TMCC1: variants seen among roughly 807,000 people sequenced by gnomAD.
TMCC1 encodes the protein transmembrane and coiled-coil domains protein 1.
A neutral mutation model predicts 52.4 loss-of-function variants in TMCC1; 15 were observed. That is an observed-to-expected ratio of 0.29 (90% confidence interval 0.19 to 0.44). The LOEUF is 0.44. Among genes scored for constraint, TMCC1 ranks in the 20% least tolerant of loss-of-function variants. The pLI is 1.00. For synonymous variants in TMCC1, 279 were observed against 301.9 expected, an observed-to-expected ratio of 0.92 and a Z score of 0.79; for missense variants, 503 against 806.0, an observed-to-expected ratio of 0.62 and a Z score of 4.55.
At chr3:129,829,024 A>T (rs1238427019) in intron 3 of TMCC1, among the ~76,000 whole-genome samples, 2 of 152,224 alleles carry the variant, frequency 1.3e-5, no homozygotes, top group African/African-American at 4.8e-5. Context: ...TTAATGGAAA[A>T]GTGTGTTACC....
At chr3:129,712,987 C>A (rs1278481491) in intron 4 of TMCC1, among the ~76,000 whole-genome samples, 2 of 152,002 alleles carry the variant, frequency 1.3e-5, no homozygotes, top group East Asian at 1.9e-4. Context: ...GAAGGCTGGG[C>A]GTGGTGGCTC....
chr3:129,740,317 T>C (rs562788144), intron 4 of TMCC1, among the ~76,000 whole-genome samples: 29 of 152,304 alleles, frequency 1.9e-4, no homozygotes, highest in Admixed American at 7.2e-4. Context: ...CTGTGCCAGC[T>C]GATGACATCT....
intron 2 of TMCC1, among the ~76,000 whole-genome samples, chr3:129,871,145 G>GGTC (rs1355008623): frequency 6.6e-6 from 1 of 152,034 alleles, no homozygotes; most frequent in Non-Finnish European, 1.5e-5. Context: ...GAGAGCCTGA[G>GGTC]GTCAGGAGTT....
intron 2 of TMCC1, among the ~76,000 whole-genome samples, chr3:129,840,698 G>A (rs145467222): frequency 1.3e-5 from 2 of 152,160 alleles, no homozygotes; most frequent in Non-Finnish European, 2.9e-5. Flanking sequence ...GTATGTGACA[G>A]TTCCCCACCC....
At chr3:129,655,669 G>A (rs1014288444) in intron 5 of TMCC1, among the ~76,000 whole-genome samples, 1 of 152,206 alleles carries the variant, frequency 6.6e-6, no homozygotes, top group African/African-American at 2.4e-5. Context: ...CTATGTACCA[G>A]GCATGTTCAA....
At chr3:129,813,511 C>T (rs2057936612) in intron 4 of TMCC1, among the ~76,000 whole-genome samples, 1 of 151,996 alleles carries the variant, frequency 6.6e-6, no homozygotes, top group African/African-American at 2.4e-5. Context: ...CCTTACGGAG[C>T]TGGAGGCCAT....
intron 4 of TMCC1, among the ~76,000 whole-genome samples, chr3:129,818,726 T>C (rs2058257143): frequency 6.6e-6 from 1 of 152,122 alleles, no homozygotes; most frequent in South Asian, 2.1e-4. Flanking sequence ...AAAACAAAGA[T>C]ATCTGAAGGG....
intron 2 of TMCC1, among the ~76,000 whole-genome samples, chr3:129,849,064 C>T (rs1041645285): frequency 1.2e-4 from 18 of 152,192 alleles, no homozygotes; most frequent in African/African-American, 4.3e-4. Flanking sequence ...GCTACTATAA[C>T]TTTTTCTTAC....
chr3:129,775,615 C>A (rs984465378), intron 4 of TMCC1, among the ~76,000 whole-genome samples: 1 of 152,114 alleles, frequency 6.6e-6, no homozygotes, highest in African/African-American at 2.4e-5. Flanking sequence ...GCAGGTTCAA[C>A]CACGTTAAAT....
intron 4 of TMCC1, among the ~76,000 whole-genome samples, chr3:129,723,912 A>ATTTT (rs5852573): frequency 7.1e-6 from 1 of 141,430 alleles, no homozygotes. Flanking sequence ...TCAGGATGAG[A>ATTTT]TTTTTTTTTT....
chr3:129,857,778 T>C (rs941161260), intron 2 of TMCC1, among the ~76,000 whole-genome samples: 9 of 152,110 alleles, frequency 5.9e-5, no homozygotes, highest in Non-Finnish European at 1.2e-4. Context: ...TTAGCCAGGA[T>C]GGTCTCGATC....
chr3:129,805,904 C>G (rs900057274), intron 4 of TMCC1, among the ~76,000 whole-genome samples: 1 of 151,978 alleles, frequency 6.6e-6, no homozygotes, highest in Non-Finnish European at 1.5e-5. Context: ...TGCACTCCAG[C>G]CTGGGCCACA....
Position 129,670,609 on chromosome 3 carries a change from A to C in TMCC1, c.1232T>G (p.Phe411Cys). The stretch of plus-strand genomic sequence containing the variant: ...ACTACCATATTTTGGGCTAGACTGA[A>C]AGTTTGAAATCACTCCCAAAGCCTT... ...AGKALGVISN[F>C]QSSPKYGSEE... The change falls in exon 5 of 7, where the codon TTT becomes TGT. Residue 411 changes from phenylalanine to cysteine, a missense_variant. Phe to Cys is a radical substitution (Grantham distance 205). Around this residue, in one of 7 missense-constraint regions of TMCC1, gnomAD observed 38 missense variants for 29.8 expected, o/e 1.28. Coordinates refer to ENST00000393238, the MANE Select transcript of TMCC1 (RefSeq NM_001017395.5). 1 of 1,614,188 alleles carries C rather than the reference A, an allele frequency of 6.2e-7. No individual in the cohort carries two copies. Among genetic ancestry groups the C allele is most frequent in the Non-Finnish European group, 8.5e-7 (1 of 1,180,032 alleles).
chr3:129,818,303 G>A (rs1208146833), intron 4 of TMCC1, among the ~76,000 whole-genome samples: 1 of 151,970 alleles, frequency 6.6e-6, no homozygotes, highest in African/African-American at 2.4e-5. Flanking sequence ...TCTGTGATCA[G>A]CAGACATCAG....
intron 4 of TMCC1, among the ~76,000 whole-genome samples, chr3:129,810,670 A>T: frequency 6.6e-6 from 1 of 152,230 alleles, no homozygotes; most frequent in South Asian, 2.1e-4. Flanking sequence ...ACTCATCACA[A>T]ATTATATAAT....
intron 4 of TMCC1, among the ~76,000 whole-genome samples, chr3:129,811,894 A>G (rs2057831335): frequency 6.6e-6 from 1 of 151,728 alleles, no homozygotes; most frequent in South Asian, 2.1e-4. Flanking sequence ...CAGTGAGCCC[A>G]GGTTGTGCCA....
In TMCC1 at chr3:129,846,988, G is replaced by GTCAT. The variant is rs763909746; in HGVS notation, c.-183-14166_-183-14163dup. 4.2e-4 allele frequency: 64 copies of GTCAT among 151,030 alleles called. 1 individual carries two copies. Among genetic ancestry groups the GTCAT allele is most frequent in the Admixed American group, 1.2e-3 (18 of 15,136 alleles). The allele number at this position is 151,030 out of a possible 1,614,324, so 9.4% of individuals were successfully genotyped here. A position where few individuals can be genotyped will look rare whatever the true frequency, so the allele number is the denominator to read the frequency against. On this transcript the variant is annotated intron_variant, in intron 2 of 6. Transcript: ENST00000393238. ...ATCCTGGGTAACAGAGCAAGATCCT[G>GTCAT]TCATTCATTCATTCATACATACATA... is the stretch of plus-strand genomic sequence containing the variant.
Position 129,697,740 on chromosome 3 carries a change from T to C in TMCC1, c.577-26476A>G, listed in dbSNP as rs571173317. Among the ~76,000 whole-genome samples the C allele has an allele frequency of 8.5e-5, 13 of 152,288 alleles. No individual in the cohort carries two copies. In the South Asian group the frequency reaches 2.7e-3, roughly 32 times the overall value. ...TCTCTCAAGTTCAAAGTTCCACAGA[T>C]CCTTAGGGCAGGGGCAAAGTGCCGC... is the stretch of plus-strand genomic sequence containing the variant. On this transcript the variant is annotated intron_variant, in intron 4 of 6. Coordinates refer to ENST00000393238, the MANE Select transcript of TMCC1 (RefSeq NM_001017395.5).
chr3:129,708,174 A>G (rs2048385670), intron 4 of TMCC1, among the ~76,000 whole-genome samples: 1 of 152,156 alleles, frequency 6.6e-6, no homozygotes, highest in Non-Finnish European at 1.5e-5. Flanking sequence ...ATTATCAGGA[A>G]TTTCATTCAT....
Sources: allele counts gnomAD v4.1 joint callset (sites outside exome capture counted in the v4.1 genomes callset), GRCh38; gene constraint gnomAD v4.1.1; regional missense constraint gnomAD v4.1.1; transcripts MANE v1.5; gene names NCBI Gene and HGNC (gene_info 2026-07-23, HGNC 2026-07-21).